Variants in DOCK5 observed in about 807,000 individuals in gnomAD.
The protein encoded by DOCK5 is dedicator of cytokinesis protein 5.
Under a neutral mutation model 251.8 loss-of-function variants are expected in DOCK5, and 142 were observed. The observed-to-expected ratio is 0.56, with a 90% CI of 0.49 to 0.65. The LOEUF is 0.65. DOCK5 is among the 30% of genes least tolerant of loss of function. The pLI is 0.00. For synonymous variants in DOCK5, 842 were observed against 835.5 expected (o/e 1.01, Z -0.13); for missense variants, 2,111 against 2,312.3 (o/e 0.91, Z 1.79).
chr8:25,270,512 T>A (rs1803877550), intron 3 of DOCK5, among the ~76,000 whole-genome samples: 1 of 152,196 alleles, frequency 6.6e-6, no homozygotes, highest in South Asian at 2.1e-4. Context: ...TAAGAATACT[T>A]ATGTCACTTA....
chr8:25,268,880 A>G lies in DOCK5; in HGVS notation c.163A>G (p.Lys55Glu). The change falls in exon 3 of 52, where the codon AAA becomes GAA. Residue 55 changes from lysine to glutamate, a missense_variant. Lys to Glu is a moderately conservative substitution (Grantham distance 56). Around this residue, in one of 3 missense-constraint regions of DOCK5, gnomAD observed 335 missense variants for 324.9 expected, o/e 1.03. Coordinates refer to ENST00000276440, the MANE Select transcript of DOCK5 (RefSeq NM_024940.8). ...YRGYTLQNKS[K>E]KGIFPETYIH... ...AGGATATACCCTCCAAAATAAATCT[A>G]AAAAGGTATGACTTATCATTCACTT... is the stretch of plus-strand genomic sequence containing the variant. The G allele has an allele frequency of 1.3e-6, 2 of 1,561,086 alleles. No individual in the cohort carries two copies. The highest frequency in any genetic ancestry group is 1.2e-5 in the South Asian group (1 of 82,820).
At chr8:25,356,900 A>G (rs1354584274) in intron 27 of DOCK5, among the ~76,000 whole-genome samples, 1 of 133,830 alleles carries the variant, frequency 7.5e-6, no homozygotes, top group African/African-American at 2.8e-5. Context: ...ATCCCTCTAT[A>G]TGAAGATTAT....
Position 25,391,971 on chromosome 8 carries a change from T to C in DOCK5, c.4431T>C (p.Asn1477=), listed in dbSNP as rs772394786. Residue 1477 remains asparagine (N), a synonymous_variant, in exon 43 of 52, where the codon AAT becomes AAC. Coordinates refer to ENST00000276440, the MANE Select transcript of DOCK5 (RefSeq NM_024940.8). ...GGAAAGGAGAAAAGGATCCAGACAA[T>C]GAATTTGCTGTGAGTTCACCCCTTT... ...PFRKGEKDPD[N]EFATMWIERT... is the part of the protein sequence containing the mutation. 1 of 1,613,644 alleles carries C rather than the reference T, an allele frequency of 6.2e-7. No individual in the cohort carries two copies. The highest frequency in any genetic ancestry group is 1.1e-5 in the South Asian group (1 of 90,986).
intron 47 of DOCK5, among the ~76,000 whole-genome samples, chr8:25,402,833 A>G (rs532875526): frequency 1.3e-5 from 2 of 151,902 alleles, no homozygotes; most frequent in African/African-American, 4.8e-5. Flanking sequence ...TTTCTCCCCC[A>G]TTCCTGTCTG....
intron 28 of DOCK5, among the ~76,000 whole-genome samples, chr8:25,361,076 C>T (rs1414951827): frequency 6.6e-6 from 1 of 152,120 alleles, no homozygotes; most frequent in Non-Finnish European, 1.5e-5. Flanking sequence ...CCTCATGCTG[C>T]CTTCTGAGTG....
At chr8:25,283,419 G>T (rs1804252442) in intron 5 of DOCK5, among the ~76,000 whole-genome samples, 1 of 152,126 alleles carries the variant, frequency 6.6e-6, no homozygotes, top group Admixed American at 6.6e-5. Context: ...AAGTCTGCTG[G>T]ATGTTGTTCC....
At chr8:25,391,509 G>A (rs574260706) in intron 42 of DOCK5, among the ~76,000 whole-genome samples, 4 of 152,004 alleles carry the variant, frequency 2.6e-5, no homozygotes, top group Non-Finnish European at 4.4e-5. Context: ...GTGATGGTGC[G>A]TGCTTGTAAT....
intron 27 of DOCK5, among the ~76,000 whole-genome samples, chr8:25,357,569 G>A (rs557343919): frequency 9.9e-5 from 15 of 151,418 alleles, no homozygotes; most frequent in Non-Finnish European, 2.1e-4. Context: ...ATAGAGATGG[G>A]GTTTCACCAT....
At chr8:25,272,470 T>C (rs146541444) in intron 3 of DOCK5, among the ~76,000 whole-genome samples, 151 of 152,342 alleles carry the variant, frequency 9.9e-4, no homozygotes, top group Admixed American at 2.3e-3. Flanking sequence ...TTTCCACTTA[T>C]TAGGAGCGAC....
intron 25 of DOCK5, 165 bp from the exon 26 acceptor site, chr8:25,345,310 C>A: frequency 1.3e-6 from 1 of 753,850 alleles, no homozygotes; most frequent in Non-Finnish European, 2.0e-6. Context: ...AAGTTCCGTG[C>A]CTAAAACCAG....
intron 1 of DOCK5, among the ~76,000 whole-genome samples, chr8:25,192,063 C>T (rs1329537925): frequency 6.6e-6 from 1 of 152,046 alleles, no homozygotes; most frequent in African/African-American, 2.4e-5. Context: ...TGATGGTTTC[C>T]AGCTTCATCC....
At chr8:25,383,029 C>T (rs968740562) in intron 40 of DOCK5, among the ~76,000 whole-genome samples, 18 of 152,132 alleles carry the variant, frequency 1.2e-4, no homozygotes, top group Admixed American at 2.6e-4. Flanking sequence ...AACCATCCCC[C>T]GCACTGGTCA....
chr8:25,326,250 A>T (rs1005240576), intron 18 of DOCK5, among the ~76,000 whole-genome samples: 1 of 152,164 alleles, frequency 6.6e-6, no homozygotes, highest in Non-Finnish European at 1.5e-5. Context: ...TGTCTCCCAT[A>T]TGCCGTGTAG....
chr8:25,204,653 G>A (rs1290362756), intron 1 of DOCK5, among the ~76,000 whole-genome samples: 1 of 152,098 alleles, frequency 6.6e-6, no homozygotes. Flanking sequence ...ATTACTTTAT[G>A]GCCAAATTTT....
chr8:25,201,252 T>G (rs1474077008), intron 1 of DOCK5, among the ~76,000 whole-genome samples: 1 of 152,206 alleles, frequency 6.6e-6, no homozygotes, highest in African/African-American at 2.4e-5. Flanking sequence ...TCAGGCTTCG[T>G]CTCCTCTCTC....
At chr8:25,317,232 T>TTTGA in intron 14 of DOCK5, 101 bp downstream of exon 14, 1 of 1,518,974 alleles carries the variant, frequency 6.6e-7, no homozygotes, top group Non-Finnish European at 8.9e-7. Context: ...TCAGGATGGG[T>TTTGA]TTGATTTTTC....
chr8:25,294,805 C>T (rs1804577225), intron 6 of DOCK5, among the ~76,000 whole-genome samples: 1 of 152,148 alleles, frequency 6.6e-6, no homozygotes, highest in African/African-American at 2.4e-5. Flanking sequence ...TCAGGAAACA[C>T]AATCATGGCA....
intron 1 of DOCK5, among the ~76,000 whole-genome samples, chr8:25,232,089 A>T (rs746979400): frequency 2.6e-5 from 4 of 152,160 alleles, no homozygotes; most frequent in Non-Finnish European, 4.4e-5. Flanking sequence ...GCTTTGTATG[A>T]TTTGCATCCT....
At position 25,220,166 on chromosome 8, in the gene DOCK5, G is replaced by A. The variant is rs980652761; in HGVS notation, c.44-23508G>A. Among the ~76,000 whole-genome samples the A allele has an allele frequency of 6.6e-5, 10 of 151,126 alleles. No individual in the cohort carries two copies. In the South Asian group the frequency reaches 1.5e-3, roughly 22 times the overall value. On this transcript the variant is annotated intron_variant, in intron 1 of 51. Coordinates refer to ENST00000276440, the MANE Select transcript of DOCK5 (RefSeq NM_024940.8). ...TTTCTGCCAGGTTTTGTTTTGTTTC[G>A]TTTCGTTCCTTTCCTTTCCTTTCCT... is the stretch of plus-strand genomic sequence containing the variant.
Sources: gnomAD v4.1 joint callset for allele counts (sites outside exome capture counted in the v4.1 genomes callset) on GRCh38, gnomAD v4.1.1 for gene constraint, gnomAD v4.1.1 regional missense constraint, MANE v1.5 for transcripts, NCBI Gene and HGNC (gene_info 2026-07-23, HGNC 2026-07-21) for gene names.